STK32B: variants seen among roughly 807,000 people sequenced by gnomAD.
STK32B encodes the protein serine/threonine-protein kinase 32B.
STK32B carries 43 observed loss-of-function variants against 52.6 expected under a neutral mutation model. The observed-to-expected ratio is 0.82, with a 90% CI of 0.64 to 1.05. The LOEUF is 1.05. Among genes scored for constraint, STK32B ranks in the 50% least tolerant of loss-of-function variants. The pLI is 0.00. For synonymous variants in STK32B, 238 were observed against 204.3 expected (o/e 1.17, Z -1.41); for missense variants, 621 against 534.6 (o/e 1.16, Z -1.59).
intron 11 of STK32B, among the ~76,000 whole-genome samples, chr4:5,472,596 A>G (rs749612008): frequency 8.5e-5 from 13 of 152,172 alleles, no homozygotes; most frequent in African/African-American, 1.2e-4. Flanking sequence ...AGGTCTTTTC[A>G]ATAGCATTTG....
intron 4 of STK32B, among the ~76,000 whole-genome samples, chr4:5,371,585 G>T (rs1037953007): frequency 1.3e-5 from 2 of 152,134 alleles, no homozygotes; most frequent in African/African-American, 4.8e-5. Flanking sequence ...AGGCCCAGCC[G>T]GCTGAAGGGG....
intron 11 of STK32B, among the ~76,000 whole-genome samples, chr4:5,476,393 A>G (rs1161821682): frequency 6.6e-6 from 1 of 152,194 alleles, no homozygotes; most frequent in East Asian, 1.9e-4. Context: ...TGTAATTACA[A>G]TATCCAAGTG....
intron 6 of STK32B, among the ~76,000 whole-genome samples, chr4:5,422,389 A>C (rs1712717571): frequency 6.6e-6 from 1 of 152,240 alleles, no homozygotes; most frequent in Non-Finnish European, 1.5e-5. Flanking sequence ...GAATGTTCCC[A>C]ACACAGATTC....
At chr4:5,419,080 C>T (rs1712407791) in intron 6 of STK32B, among the ~76,000 whole-genome samples, 1 of 152,150 alleles carries the variant, frequency 6.6e-6, no homozygotes, top group African/African-American at 2.4e-5. Flanking sequence ...TAAATTCCAC[C>T]TTTAGACTTG....
intron 6 of STK32B, among the ~76,000 whole-genome samples, chr4:5,428,527 CTTCTT>C (rs1362562118): frequency 6.6e-6 from 1 of 152,122 alleles, no homozygotes; most frequent in African/African-American, 2.4e-5. Context: ...TTTTGTATGA[CTTCTT>C]TTCTAAAAAC....
Position 5,468,015 on chromosome 4 carries a change from C to G in STK32B, c.1051C>G (p.Leu351Val). The G allele has an allele frequency of 1.9e-6, 3 of 1,614,158 alleles. No homozygotes were observed. The highest frequency in any genetic ancestry group is 2.5e-6 in the Non-Finnish European group (3 of 1,179,994). The change falls in exon 11 of 12, where the codon CTG (leucine) becomes GTG (valine). Residue 351 changes from leucine to valine, a missense_variant. Leu to Val is a conservative substitution (Grantham distance 32). Coordinates refer to ENST00000282908, the MANE Select transcript of STK32B (RefSeq NM_018401.3). Reference protein sequence around the residue: ...TKDSCPLNGHLQHCLETVREE... With the variant: ...TKDSCPLNGHVQHCLETVREE... ...CTGTGCTCTTTGACAGAATGGACAC[C>G]TGCAGCACTGTTTGGAGACTGTCCG... is the stretch of plus-strand genomic sequence containing the variant.
At chr4:5,330,949 T>A (rs1375599782) in intron 3 of STK32B, among the ~76,000 whole-genome samples, 1 of 152,144 alleles carries the variant, frequency 6.6e-6, no homozygotes, top group Non-Finnish European at 1.5e-5. Context: ...GTAGTTAAAC[T>A]GTCATCTGTC....
At chr4:5,260,507 C>T (rs960202304) in intron 3 of STK32B, among the ~76,000 whole-genome samples, 7 of 152,230 alleles carry the variant, frequency 4.6e-5, no homozygotes, top group Non-Finnish European at 7.4e-5. Context: ...CTGGAATGAC[C>T]GGGGAGGCTT....
At chr4:5,085,989 C>T (rs1712710737) in intron 1 of STK32B, among the ~76,000 whole-genome samples, 1 of 143,094 alleles carries the variant, frequency 7.0e-6, no homozygotes, top group African/African-American at 2.4e-5. Flanking sequence ...TGGAACTTTC[C>T]CAGTGCTACT....
rs541027189 is a variant in STK32B, at chr4:5,232,322, C to T, written c.260+63872C>T. 8.5e-4 allele frequency among the ~76,000 whole-genome samples: 130 copies of T among 152,156 alleles called. 1 individual carries two copies. The highest frequency in any genetic ancestry group is 9.7e-4 in the Non-Finnish European group (66 of 68,008). ...TATTAAATAAGATCTAAGAGCATGGCAAAGTAATAATGACATATTTAGAAA... is the reference window on the plus strand; with the variant it reads ...TATTAAATAAGATCTAAGAGCATGGTAAAGTAATAATGACATATTTAGAAA... On this transcript the variant is annotated intron_variant, in intron 3 of 11. Coordinates refer to ENST00000282908, the MANE Select transcript of STK32B (RefSeq NM_018401.3).
At chr4:5,209,258 G>A (rs1307633669) in intron 3 of STK32B, among the ~76,000 whole-genome samples, 1 of 152,194 alleles carries the variant, frequency 6.6e-6, no homozygotes, top group African/African-American at 2.4e-5. Context: ...GTCCTGCTCT[G>A]TCACCTGTGC....
chr4:5,290,318 A>C (rs1728815443), intron 3 of STK32B, among the ~76,000 whole-genome samples: 1 of 121,476 alleles, frequency 8.2e-6, no homozygotes, highest in South Asian at 3.0e-4. Flanking sequence ...GTAATAACAC[A>C]ACGTAAAACA....
At chr4:5,472,910 G>A (rs1717950679) in intron 11 of STK32B, among the ~76,000 whole-genome samples, 1 of 152,000 alleles carries the variant, frequency 6.6e-6, no homozygotes, top group Admixed American at 6.6e-5. Flanking sequence ...GCCATCCTGT[G>A]CCTTGCAGGA....
chr4:5,193,624 T>G (rs1721408420), intron 3 of STK32B, among the ~76,000 whole-genome samples: 1 of 152,232 alleles, frequency 6.6e-6, no homozygotes, highest in Non-Finnish European at 1.5e-5. Context: ...GCCAATGTCC[T>G]GGCCCCTGCT....
intron 3 of STK32B, among the ~76,000 whole-genome samples, chr4:5,315,240 G>GAAATGCAAATTA (rs148737845): frequency 0.24 from 35,957 of 151,798 alleles, 6,984 homozygotes; most frequent in African/African-American, 0.55. Flanking sequence ...CTCCATTAGT[G>GAAATGCAAATTA]AAATGCAAAT....
chr4:5,036,066 G>C, the STK32B span, among the ~76,000 whole-genome samples: 1 of 152,048 alleles, frequency 6.6e-6, no homozygotes, highest in African/African-American at 2.4e-5. Flanking sequence ...ACAGGCGTGA[G>C]CCATCGTGCC....
At chr4:5,042,700 A>G in the STK32B span, among the ~76,000 whole-genome samples, 1 of 152,226 alleles carries the variant, frequency 6.6e-6, no homozygotes, top group Non-Finnish European at 1.5e-5. Flanking sequence ...CTGATTGAAA[A>G]TGAACCTTGC....
chr4:5,465,053 G>A lies in STK32B; in HGVS notation c.910-1650G>A, dbSNP rs1577550972. 2.6e-5 allele frequency among the ~76,000 whole-genome samples: 4 copies of A among 152,256 alleles called. No individual in the cohort carries two copies. In the South Asian group the frequency reaches 8.3e-4, roughly 32 times the overall value. On this transcript the variant is annotated intron_variant, in intron 9 of 11. Coordinates refer to ENST00000282908, the MANE Select transcript of STK32B (RefSeq NM_018401.3). ...CCAGTGCCAGGCAGGGGAAGGGAGA[G>A]GCCATTGGTACCGCGAACCCAAGGA...
At chr4:5,085,819 T>C (rs1712700372) in intron 1 of STK32B, among the ~76,000 whole-genome samples, 1 of 152,164 alleles carries the variant, frequency 6.6e-6, no homozygotes, top group African/African-American at 2.4e-5. Flanking sequence ...TCATTCCCCA[T>C]TTACTATCTC....
Sources: gnomAD v4.1 joint callset for allele counts (sites outside exome capture counted in the v4.1 genomes callset) on GRCh38, gnomAD v4.1.1 for gene constraint, MANE v1.5 for transcripts, NCBI Gene and HGNC (gene_info 2026-07-23, HGNC 2026-07-21) for gene names.